The following TENM4 variants were observed in gnomAD, a reference collection of about 807,000 sequenced individuals.
TENM4 encodes the protein teneurin-4.
TENM4 carries 82 observed loss-of-function variants against 243.3 expected under a neutral mutation model. The ratio of observed to expected loss-of-function variants is 0.34; its 90% CI spans 0.28 to 0.40. The LOEUF (loss-of-function observed/expected upper bound fraction) is 0.40, where lower values mean the gene tolerates loss of function less well. Ranked by LOEUF, TENM4 falls within the 10% of genes least tolerant of loss-of-function variation. The pLI is 1.00. For missense variants in TENM4, 3,138 were observed against 3,673.3 expected, an observed-to-expected ratio of 0.85 and a Z score of 3.77; for synonymous variants, 1,412 against 1,456.3, an observed-to-expected ratio of 0.97 and a Z score of 0.69.
intron 29 of TENM4, among the ~76,000 whole-genome samples, chr11:78,686,081 C>G (rs1198693636): frequency 1.3e-5 from 2 of 152,226 alleles, no homozygotes; most frequent in Admixed American, 1.3e-4. Flanking sequence ...ATAAGACGTA[C>G]TTTCAGAGGG....
intron 30 of TENM4, among the ~76,000 whole-genome samples, chr11:78,673,079 T>TA (rs111812287): frequency 0.06 from 9,121 of 152,092 alleles, 923 homozygotes; most frequent in African/African-American, 0.21. Flanking sequence ...TTGAGGCACT[T>TA]TGCTCCTGCC....
rs1273314440 is a variant in TENM4 at position 78,656,992 on chromosome 11, G to A, written c.*1066C>T. 1.3e-5 allele frequency: 5 copies of A among 398,492 alleles called. No individual in the cohort carries two copies. The highest frequency in any genetic ancestry group is 2.1e-5 in the African/African-American group (1 of 48,636). The allele number at this position is 398,492 out of a possible 1,614,324, so 24.7% of individuals were successfully genotyped here. On this transcript the variant is annotated 3_prime_UTR_variant, in exon 34 of 34. Coordinates refer to ENST00000278550, the MANE Select transcript of TENM4 (RefSeq NM_001098816.3). ...TCCCTCCACATTCCTACGTCTCAGTGGTGGCGGCTGAGTGGTGGAGGGAAG... is the reference window on the plus strand; with the variant it reads ...TCCCTCCACATTCCTACGTCTCAGTAGTGGCGGCTGAGTGGTGGAGGGAAG...
At chr11:79,108,938 A>T (rs1043365797) in intron 4 of TENM4, among the ~76,000 whole-genome samples, 7 of 151,906 alleles carry the variant, frequency 4.6e-5, no homozygotes, top group Non-Finnish European at 8.8e-5. Flanking sequence ...TTCCCCACAC[A>T]AACACACACC....
At chr11:79,158,876 G>A in intron 3 of TENM4, among the ~76,000 whole-genome samples, 1 of 152,140 alleles carries the variant, frequency 6.6e-6, no homozygotes, top group East Asian at 1.9e-4. Flanking sequence ...TCTACAGCTG[G>A]AGAAGTACTC....
At chr11:78,925,707 CT>C (rs1856538422) in intron 6 of TENM4, among the ~76,000 whole-genome samples, 2 of 152,164 alleles carry the variant, frequency 1.3e-5, no homozygotes, top group Admixed American at 1.3e-4. Flanking sequence ...TGGCTCCGTG[CT>C]ACCCTCAAGT....
intron 9 of TENM4, among the ~76,000 whole-genome samples, chr11:78,866,726 G>T (rs1183292280): frequency 6.6e-6 from 1 of 152,202 alleles, no homozygotes; most frequent in Non-Finnish European, 1.5e-5. Flanking sequence ...ATGCACTCCT[G>T]AAAACTATCT....
rs367596461 is a variant in TENM4, at chr11:78,658,593, C to T, written c.7775G>A (p.Arg2592Gln). 1.2e-4 allele frequency: 198 copies of T among 1,613,886 alleles called. No individual in the cohort carries two copies. Among genetic ancestry groups the T allele is most frequent in the Non-Finnish European group, 1.5e-4 (173 of 1,179,912 alleles). Residue 2592 changes from arginine to glutamine, a missense_variant, in exon 34 of 34, where the codon CGA (arginine) becomes CAA (glutamine). Arg to Gln is a conservative substitution (Grantham distance 43). This residue lies in a region of TENM4 where 2,467 missense variants were observed against 3,059.1 expected (regional missense o/e 0.81). Transcript: ENST00000278550. The part of the protein sequence containing the change: ...DIISVANEDG[R>Q]RVAAILNHAH... ...ATGGTTCAAGATGGCAGCAACCCTTCGCCCATCCTCATTGGCCACACTGAT... is the reference window on the plus strand; with the variant it reads ...ATGGTTCAAGATGGCAGCAACCCTTTGCCCATCCTCATTGGCCACACTGAT...
rs140641744 is a variant in TENM4 at position 79,084,511 on chromosome 11, C to A, written c.-65-14502G>T. Among the ~76,000 whole-genome samples, 970 of 152,238 alleles carry A rather than the reference C, an allele frequency of 6.4e-3. 6 individuals are homozygous for A. Among genetic ancestry groups the A allele is most frequent in the Non-Finnish European group, 0.011 (726 of 68,020 alleles). ...AAGCAGTTAAATCAATGACAGAATGCCATGGAATATGACTCCGTGATAAAA... is the reference window on the plus strand; with the variant it reads ...AAGCAGTTAAATCAATGACAGAATGACATGGAATATGACTCCGTGATAAAA... On this transcript the variant is annotated intron_variant, in intron 4 of 33. Coordinates refer to ENST00000278550, the MANE Select transcript of TENM4 (RefSeq NM_001098816.3).
At chr11:78,953,086 T>C (rs1857137258) in intron 6 of TENM4, among the ~76,000 whole-genome samples, 1 of 152,162 alleles carries the variant, frequency 6.6e-6, no homozygotes, top group African/African-American at 2.4e-5. Flanking sequence ...CTTTCAACTC[T>C]GGGGGAAGGC....
At chr11:78,772,134 G>A (rs981235754) in intron 17 of TENM4, among the ~76,000 whole-genome samples, 1 of 152,192 alleles carries the variant, frequency 6.6e-6, no homozygotes, top group Non-Finnish European at 1.5e-5. Context: ...GCAATATTTA[G>A]ATGCTGTGTT....
intron 12 of TENM4, among the ~76,000 whole-genome samples, chr11:78,815,385 C>CAAA (rs11349058): frequency 2.1e-5 from 3 of 145,164 alleles, no homozygotes; most frequent in Non-Finnish European, 4.5e-5. Context: ...GACTGTGTCT[C>CAAA]AAAAAAAAAA....
At position 78,891,340 on chromosome 11, in the gene TENM4, C is replaced by A. The variant is rs376238870; in HGVS notation, c.750-4G>T. On this transcript the variant is annotated splice_polypyrimidine_tract_variant and splice_region_variant and intron_variant, in intron 7 of 33. Transcript: ENST00000278550. ...GAATGGCTGCTTGCCTAGGTTTCTA[C>A]GCACACATGGAGACATGAATGAAGC... 44 of 1,550,930 alleles carry A rather than the reference C, an allele frequency of 2.8e-5. No individual in the cohort carries two copies. Among genetic ancestry groups the A allele is most frequent in the Non-Finnish European group, 3.7e-5 (42 of 1,146,656 alleles).
intron 2 of TENM4, among the ~76,000 whole-genome samples, chr11:79,225,593 A>T (rs1013484214): frequency 4.6e-5 from 7 of 152,060 alleles, no homozygotes; most frequent in African/African-American, 1.7e-4. Context: ...TAATTTTAGT[A>T]GACATGAGGT....
chr11:79,286,332 C>T (rs999777628), intron 2 of TENM4, among the ~76,000 whole-genome samples: 2 of 151,872 alleles, frequency 1.3e-5, no homozygotes, highest in Non-Finnish European at 2.9e-5. Context: ...AGTGGCTTCA[C>T]GTTTGACCTC....
intron 1 of TENM4, among the ~76,000 whole-genome samples, chr11:79,404,874 G>T (rs1240877210): frequency 6.6e-6 from 1 of 152,044 alleles, no homozygotes; most frequent in East Asian, 1.9e-4. Context: ...ACAGCGGGGG[G>T]TGGGGGAATA....
intron 20 of TENM4, among the ~76,000 whole-genome samples, chr11:78,736,075 C>T (rs1364541528): frequency 1.3e-5 from 2 of 152,096 alleles, no homozygotes; most frequent in Admixed American, 1.3e-4. Context: ...ACCTCTGCCT[C>T]CTGGGTTGCT....
chr11:79,026,594 C>T (rs1859086664), intron 6 of TENM4, among the ~76,000 whole-genome samples: 2 of 152,154 alleles, frequency 1.3e-5, no homozygotes, highest in Admixed American at 6.5e-5. Flanking sequence ...ACTTTTAGTG[C>T]TTTTTTGAAT....
chr11:78,834,977 C>A (rs746047342), intron 12 of TENM4, among the ~76,000 whole-genome samples: 21 of 152,204 alleles, frequency 1.4e-4, no homozygotes, highest in Non-Finnish European at 2.2e-4. Flanking sequence ...TGTCTCCACA[C>A]TGCTAACTCC....
chr11:79,142,013 A>G (rs1862295306), intron 4 of TENM4, among the ~76,000 whole-genome samples: 1 of 152,124 alleles, frequency 6.6e-6, no homozygotes, highest in African/African-American at 2.4e-5. Context: ...CATATGTAAC[A>G]GATTCACAGC....
Sources: allele counts gnomAD v4.1 joint callset (sites outside exome capture counted in the v4.1 genomes callset), GRCh38; gene constraint gnomAD v4.1.1; regional missense constraint gnomAD v4.1.1; transcripts MANE v1.5; gene names NCBI Gene and HGNC (gene_info 2026-07-23, HGNC 2026-07-21).